The following TBC1D22B variants were observed in gnomAD, a reference collection of about 807,000 sequenced individuals.
TBC1D22B encodes TBC1 domain family member 22B.
Under a neutral mutation model 69.1 loss-of-function variants are expected in TBC1D22B, and 32 were observed. That is an observed-to-expected ratio of 0.46 (90% CI 0.35 to 0.62). The LOEUF (loss-of-function observed/expected upper bound fraction) is 0.62. TBC1D22B is among the 20% of genes least tolerant of loss of function. The probability of loss-of-function intolerance (pLI) is 0.00; values close to 1 mark genes in which losing one functional copy is unlikely to be tolerated. For missense variants in TBC1D22B, 462 were observed against 630.9 expected, an observed-to-expected ratio of 0.73 and a Z score of 2.87; for synonymous variants, 206 against 229.8, an observed-to-expected ratio of 0.90 and a Z score of 0.94.
At chr6:37,262,317 A>G (rs1259981663) in intron 1 of TBC1D22B, among the ~76,000 whole-genome samples, 1 of 151,988 alleles carries the variant, frequency 6.6e-6, no homozygotes, top group Non-Finnish European at 1.5e-5. Context: ...TTCTGAGATT[A>G]TAGGTGTGAG....
chr6:37,258,920 G>A lies in TBC1D22B; in HGVS notation c.56+947G>A, dbSNP rs12190454. Among the ~76,000 whole-genome samples, 777 of 149,292 alleles carry A rather than the reference G, an allele frequency of 5.2e-3. 1 individual carries two copies. The highest frequency in any genetic ancestry group is 8.7e-3 in the Non-Finnish European group (587 of 67,616). ...TGTGCTACCTTTTCTAATGGATTCA[G>A]GTTTTTTCCTTCTGGGATAATCTTT... On this transcript the variant is annotated intron_variant, in intron 1 of 12. Transcript: ENST00000373491.
chr6:37,277,982 G>A (rs1197300579), intron 2 of TBC1D22B, among the ~76,000 whole-genome samples: 1 of 151,100 alleles, frequency 6.6e-6, no homozygotes, highest in Non-Finnish European at 1.5e-5. Flanking sequence ...AAAAAAGCTA[G>A]ACATGGTGGT....
chr6:37,309,116 A>G (rs369509982), intron 8 of TBC1D22B, among the ~76,000 whole-genome samples: 29 of 152,368 alleles, frequency 1.9e-4, no homozygotes, highest in African/African-American at 6.3e-4. Flanking sequence ...TCCATAAAAT[A>G]TCCTATGACA....
intron 8 of TBC1D22B, among the ~76,000 whole-genome samples, chr6:37,293,085 T>TC (rs1554185115): frequency 6.9e-6 from 1 of 144,894 alleles, no homozygotes; most frequent in African/African-American, 2.6e-5. Context: ...ATTATTATTA[T>TC]TTTTTTTTTT....
chr6:37,326,303 C>G (rs1454139274), intron 12 of TBC1D22B, among the ~76,000 whole-genome samples: 1 of 143,926 alleles, frequency 6.9e-6, no homozygotes, highest in Non-Finnish European at 1.5e-5. Flanking sequence ...TCGCTTGAAC[C>G]TGGGAGTTGG....
At chr6:37,313,666 C>G (rs903935216) in intron 9 of TBC1D22B, 150 bp from the exon 10 acceptor site, 1 of 757,234 alleles carries the variant, frequency 1.3e-6, no homozygotes, top group Non-Finnish European at 2.3e-6. Context: ...CACTGTTGTT[C>G]TGTAGATTTC....
chr6:37,295,634 G>T, intron 8 of TBC1D22B: 1 of 433,466 alleles, frequency 2.3e-6, no homozygotes, highest in South Asian at 1.9e-5. Context: ...ATTATCAATG[G>T]CACTGTCATC....
At chr6:37,277,500 A>C (rs1766703631) in intron 2 of TBC1D22B, among the ~76,000 whole-genome samples, 1 of 18,366 alleles carries the variant, frequency 5.4e-5, no homozygotes, top group African/African-American at 2.4e-4. Flanking sequence ...TGTCACTCAC[A>C]CTGTCATCCA....
intron 12 of TBC1D22B, among the ~76,000 whole-genome samples, chr6:37,327,294 C>G (rs373123652): frequency 9.0e-6 from 1 of 110,752 alleles, no homozygotes; most frequent in South Asian, 2.6e-4. Flanking sequence ...CTGGCTAACA[C>G]GGTGAAACCC....
chr6:37,315,268 C>T (rs1768043014), intron 10 of TBC1D22B, among the ~76,000 whole-genome samples: 1 of 152,138 alleles, frequency 6.6e-6, no homozygotes, highest in African/African-American at 2.4e-5. Context: ...AATACTTCCT[C>T]ATTAAAAAAA....
rs143470651 is a variant in TBC1D22B, at chr6:37,291,932, G to T, written c.982+575G>T. ...ATGGCAGCAGGTGGGTTTTCTTGTA[G>T]TCCCAGCCTCTGCCAGCCAGCCTAA... On this transcript the variant is annotated intron_variant, in intron 8 of 12. Coordinates refer to ENST00000373491, the MANE Select transcript of TBC1D22B (RefSeq NM_017772.4). Among the ~76,000 whole-genome samples, 6 of 152,288 alleles carry T rather than the reference G, an allele frequency of 3.9e-5. 1 individual carries two copies. The East Asian group carries it at 1.2e-3, about 29-fold the overall frequency.
intron 6 of TBC1D22B, among the ~76,000 whole-genome samples, chr6:37,285,474 G>T (rs1766979605): frequency 6.6e-6 from 1 of 151,542 alleles, no homozygotes; most frequent in African/African-American, 2.4e-5. Context: ...ACAGGCATGT[G>T]CCACCAGGCC....
At chr6:37,265,841 AT>A (rs1766255498) in intron 1 of TBC1D22B, among the ~76,000 whole-genome samples, 1 of 152,218 alleles carries the variant, frequency 6.6e-6, no homozygotes, top group Non-Finnish European at 1.5e-5. Flanking sequence ...ATAGGAATCA[AT>A]GTGAAAGTGA....
At chr6:37,281,225 T>G (rs1418265146) in intron 3 of TBC1D22B, among the ~76,000 whole-genome samples, 2 of 152,234 alleles carry the variant, frequency 1.3e-5, no homozygotes, top group Non-Finnish European at 2.9e-5. Flanking sequence ...TTAACCTCCC[T>G]GAGCTGCAGT....
chr6:37,283,051 C>A, intron 5 of TBC1D22B, 99 bp downstream of exon 5: 1 of 937,898 alleles, frequency 1.1e-6, no homozygotes, highest in Non-Finnish European at 1.7e-6. Context: ...CCATAGACTT[C>A]TCTAGTCCTA....
At chr6:37,278,133 TAAAAG>T (rs1766721612) in intron 2 of TBC1D22B, among the ~76,000 whole-genome samples, 1 of 152,092 alleles carries the variant, frequency 6.6e-6, no homozygotes, top group Non-Finnish European at 1.5e-5. Context: ...CCCTGACTCT[TAAAAG>T]AAAAGAACCA....
At chr6:37,327,492 A>AT (rs1324614205) in intron 12 of TBC1D22B, among the ~76,000 whole-genome samples, 1 of 93,594 alleles carries the variant, frequency 1.1e-5, no homozygotes, top group Non-Finnish European at 2.0e-5. Context: ...AAAAAAAAAA[A>AT]AAAAAAAAAA....
At chr6:37,326,571 G>A (rs1462164720) in intron 12 of TBC1D22B, among the ~76,000 whole-genome samples, 5 of 152,056 alleles carry the variant, frequency 3.3e-5, no homozygotes, top group African/African-American at 7.2e-5. Flanking sequence ...GGCAGATCCC[G>A]AGGTCAGGAG....
chr6:37,283,241 G>C lies in TBC1D22B; in HGVS notation c.672+289G>C, dbSNP rs182407878. Among the ~76,000 whole-genome samples, 27 of 152,348 alleles carry C rather than the reference G, an allele frequency of 1.8e-4. No individual in the cohort carries two copies. In the South Asian group the frequency reaches 3.7e-3, roughly 21 times the overall value. ...ATAGGGTGATCCCAGCACTTGCTTT[G>C]AGTAAGCTCCAACGTTCCCTGTGCT... On this transcript the variant is annotated intron_variant, in intron 5 of 12. Coordinates refer to ENST00000373491, the MANE Select transcript of TBC1D22B (RefSeq NM_017772.4).
Sources: gnomAD v4.1 joint callset for allele counts (sites outside exome capture counted in the v4.1 genomes callset) on GRCh38, gnomAD v4.1.1 for gene constraint, MANE v1.5 for transcripts, NCBI Gene and HGNC (gene_info 2026-07-23, HGNC 2026-07-21) for gene names.